Variants in FARS2 observed in about 807,000 individuals in gnomAD.
The protein encoded by FARS2 is phenylalanine--tRNA ligase, mitochondrial.
Under a neutral mutation model 46.4 loss-of-function variants are expected in FARS2, and 40 were observed. The ratio of observed to expected loss-of-function variants is 0.86; its 90% CI spans 0.67 to 1.12. The LOEUF (loss-of-function observed/expected upper bound fraction) is 1.12, where lower values mean the gene tolerates loss of function less well. Ranked by LOEUF, FARS2 falls within the 50% of genes most tolerant of loss-of-function variation. The probability of loss-of-function intolerance (pLI) is 0.00; values close to 1 mark genes in which losing one functional copy is unlikely to be tolerated. For missense variants in FARS2, 513 were observed against 567.9 expected (o/e 0.90, Z 0.98); for synonymous variants, 234 against 214.9 (o/e 1.09, Z -0.78).
chr6:5,288,749 A>G (rs1392685168), intron 1 of FARS2, among the ~76,000 whole-genome samples: 1 of 152,206 alleles, frequency 6.6e-6, no homozygotes, highest in Non-Finnish European at 1.5e-5. Context: ...CTTAAAAGAC[A>G]GAGAATTAGA....
chr6:5,405,473 C>A, intron 3 of FARS2, among the ~76,000 whole-genome samples: 1 of 105,578 alleles, frequency 9.5e-6, no homozygotes. Flanking sequence ...ATCAGTGGAG[C>A]AAGGTTCTTT....
intron 6 of FARS2, among the ~76,000 whole-genome samples, chr6:5,767,421 T>C (rs1406446013): frequency 6.6e-6 from 1 of 152,204 alleles, no homozygotes; most frequent in Non-Finnish European, 1.5e-5. Flanking sequence ...GCTATGAACA[T>C]TCTTGGACAG....
intron 6 of FARS2, among the ~76,000 whole-genome samples, chr6:5,659,951 A>G (rs1777775283): frequency 6.6e-6 from 1 of 152,158 alleles, no homozygotes; most frequent in Non-Finnish European, 1.5e-5. Flanking sequence ...TAGGTTGGGA[A>G]ACCCGCTTTA....
chr6:5,446,464 A>G (rs1764195763), intron 4 of FARS2, among the ~76,000 whole-genome samples: 1 of 152,106 alleles, frequency 6.6e-6, no homozygotes, highest in Non-Finnish European at 1.5e-5. Flanking sequence ...GCAAACTTTT[A>G]AGTATCTGTG....
intron 4 of FARS2, among the ~76,000 whole-genome samples, chr6:5,525,409 C>T (rs1332483329): frequency 2.6e-5 from 4 of 152,066 alleles, no homozygotes; most frequent in African/African-American, 4.8e-5. Context: ...GACTGTGTTG[C>T]GACATGATTC....
chr6:5,279,102 G>C (rs955557825), intron 1 of FARS2, among the ~76,000 whole-genome samples: 5 of 152,132 alleles, frequency 3.3e-5, no homozygotes, highest in Non-Finnish European at 5.9e-5. Context: ...TTGAGGCCGG[G>C]CACAGTGGCT....
rs60003216 is a variant in FARS2 at position 5,758,177 on chromosome 6, T to C, written c.1218-13114T>C. Among the ~76,000 whole-genome samples, 220 of 152,326 alleles carry C rather than the reference T, an allele frequency of 1.4e-3. 3 individuals are homozygous for C. The East Asian group carries it at 0.03, about 21-fold the overall frequency. On this transcript the variant is annotated intron_variant, in intron 6 of 6. Transcript: ENST00000274680. ...CACTACACCCTCCATGTGGTCTATG[T>C]TGAAGTCCTGTAATGCAGCCAGTTT...
intron 3 of FARS2, among the ~76,000 whole-genome samples, chr6:5,410,491 C>A (rs1040112564): frequency 2.6e-5 from 4 of 152,082 alleles, no homozygotes; most frequent in Non-Finnish European, 5.9e-5. Flanking sequence ...ATTTCAGAAG[C>A]ACTAATTAGT....
chr6:5,768,997 C>A (rs918541865), intron 6 of FARS2, among the ~76,000 whole-genome samples: 1 of 152,008 alleles, frequency 6.6e-6, no homozygotes, highest in Non-Finnish European at 1.5e-5. Flanking sequence ...CCAAGTTTAT[C>A]ATTTTTTTTA....
chr6:5,651,758 T>G (rs774559464), intron 6 of FARS2, among the ~76,000 whole-genome samples: 12 of 152,158 alleles, frequency 7.9e-5, no homozygotes, highest in Non-Finnish European at 1.6e-4. Context: ...AGTAGCCCTA[T>G]TAGATGGTAG....
rs559295132 is a variant in FARS2 at position 5,746,154 on chromosome 6, C to T, written c.1218-25137C>T. Among the ~76,000 whole-genome samples, 8 of 152,232 alleles carry T rather than the reference C, an allele frequency of 5.3e-5. No homozygotes were observed. The East Asian group carries it at 5.8e-4, about 11-fold the overall frequency. On this transcript the variant is annotated intron_variant, in intron 6 of 6. Transcript: ENST00000274680. ...CTATTTGATACCTTACATTCCCAGG[C>T]GGCCGGCAGATAATTATCCTTTTAC...
intron 6 of FARS2, among the ~76,000 whole-genome samples, chr6:5,762,395 A>G (rs1301228914): frequency 6.6e-6 from 1 of 152,212 alleles, no homozygotes; most frequent in Non-Finnish European, 1.5e-5. Context: ...AAGTCTCTCC[A>G]TAAGAGAGTC....
intron 6 of FARS2, among the ~76,000 whole-genome samples, chr6:5,672,426 G>C (rs796231440): frequency 3.9e-5 from 6 of 152,142 alleles, no homozygotes; most frequent in African/African-American, 1.4e-4. Flanking sequence ...GTTGGGTCCA[G>C]ACTCTTCTGA....
At chr6:5,288,506 C>G (rs565606778) in intron 1 of FARS2, among the ~76,000 whole-genome samples, 4 of 152,102 alleles carry the variant, frequency 2.6e-5, no homozygotes, top group Non-Finnish European at 5.9e-5. Flanking sequence ...GTGCACTGTA[C>G]GAATCACCAA....
chr6:5,442,121 A>C (rs1033629647), intron 4 of FARS2, among the ~76,000 whole-genome samples: 1 of 152,146 alleles, frequency 6.6e-6, no homozygotes, highest in African/African-American at 2.4e-5. Context: ...AATAAATAAT[A>C]AATTAAATCA....
At chr6:5,346,674 G>T (rs114269861) in intron 1 of FARS2, among the ~76,000 whole-genome samples, 1 of 151,992 alleles carries the variant, frequency 6.6e-6, no homozygotes, top group Non-Finnish European at 1.5e-5. Context: ...CCGCCACCTC[G>T]ATTCTACGAT....
intron 4 of FARS2, among the ~76,000 whole-genome samples, chr6:5,519,928 C>CA (rs1769027280): frequency 6.6e-6 from 1 of 152,286 alleles, no homozygotes; most frequent in South Asian, 2.1e-4. Context: ...AGAGAGAATT[C>CA]AAGCTCAGAA....
At chr6:5,412,660 G>A (rs554704574) in intron 3 of FARS2, among the ~76,000 whole-genome samples, 16 of 152,316 alleles carry the variant, frequency 1.1e-4, no homozygotes, top group South Asian at 1.0e-3. Context: ...GGGATCAAGA[G>A]TAAGAATTAG....
upstream of FARS2, among the ~76,000 whole-genome samples, chr6:5,259,393 G>A (rs1040101440): frequency 6.6e-6 from 1 of 152,214 alleles, no homozygotes; most frequent in African/African-American, 2.4e-5. Flanking sequence ...CAAAGTCAAA[G>A]TCATTAAGTA....
Sources: allele counts gnomAD v4.1 joint callset (sites outside exome capture counted in the v4.1 genomes callset), GRCh38; gene constraint gnomAD v4.1.1; transcripts MANE v1.5; gene names NCBI Gene and HGNC (gene_info 2026-07-23, HGNC 2026-07-21).